SLC39A12: variants seen among roughly 807,000 people sequenced by gnomAD.
The protein encoded by SLC39A12 is solute carrier family 39 member 12.
A neutral mutation model predicts 71.1 loss-of-function variants in SLC39A12; 63 were observed. The observed-to-expected ratio is 0.89, with a 90% CI of 0.72 to 1.09. The LOEUF (loss-of-function observed/expected upper bound fraction) is 1.09. Ranked by LOEUF, SLC39A12 falls within the 50% of genes least tolerant of loss-of-function variation. The probability of loss-of-function intolerance (pLI) is 0.00; values close to 1 mark genes in which losing one functional copy is unlikely to be tolerated. For missense variants in SLC39A12, 892 were observed against 812.6 expected (o/e 1.10, Z -1.19); for synonymous variants, 351 against 301.3 (o/e 1.16, Z -1.71).
At chr10:17,968,940 A>G (rs1393002049) in intron 4 of SLC39A12, among the ~76,000 whole-genome samples, 2 of 152,124 alleles carry the variant, frequency 1.3e-5, no homozygotes, top group African/African-American at 4.8e-5. Context: ...CCCCTCCCTC[A>G]GTACATTTCC....
At position 18,041,772 on chromosome 10, in the gene SLC39A12, C is replaced by CATATGTGTCT. The variant is rs1564668459; in HGVS notation, c.1948-927_1948-926insGTCTATATGT. ...GTATATATGTGTATACATATGTATA[C>CATATGTGTCT]ATATGTATATACATATGTGTCTATA... is the stretch of plus-strand genomic sequence containing the variant. On this transcript the variant is annotated intron_variant, in intron 12 of 12. Transcript: ENST00000377369. Among the ~76,000 whole-genome samples, 16 of 134,324 alleles carry CATATGTGTCT rather than the reference C, an allele frequency of 1.2e-4. 1 individual carries two copies. The highest frequency in any genetic ancestry group is 2.3e-4 in the South Asian group (1 of 4,354). 88.1% of individuals were successfully genotyped at this position (134,324 alleles called of 152,430 possible).
intron 4 of SLC39A12, among the ~76,000 whole-genome samples, chr10:17,971,842 C>A (rs1834982980): frequency 6.6e-6 from 1 of 152,004 alleles, no homozygotes; most frequent in African/African-American, 2.4e-5. Context: ...TACTTCTGCT[C>A]TAATCTTTAT....
intron 3 of SLC39A12, among the ~76,000 whole-genome samples, chr10:17,963,531 C>T (rs1554848650): frequency 6.6e-6 from 1 of 152,204 alleles, no homozygotes; most frequent in African/African-American, 2.4e-5. Context: ...AGTTCAACAC[C>T]TGCTGAGTCA....
At position 18,036,504 on chromosome 10, in the gene SLC39A12, G is replaced by A. The variant is rs559658103; in HGVS notation, c.1948-6201G>A. 4.6e-5 allele frequency among the ~76,000 whole-genome samples: 7 copies of A among 151,946 alleles called. No individual in the cohort carries two copies. The South Asian group carries it at 1.2e-3, about 27-fold the overall frequency. On this transcript the variant is annotated intron_variant, in intron 12 of 12. Coordinates refer to ENST00000377369, the MANE Select transcript of SLC39A12 (RefSeq NM_001145195.2). ...ATGAGGCAATGCCTCGCCCTGCTTC[G>A]GCTCACGCACGGTGCGCGCACCCAC...
At chr10:17,968,385 A>T (rs540619482) in intron 4 of SLC39A12, among the ~76,000 whole-genome samples, 16 of 152,284 alleles carry the variant, frequency 1.1e-4, no homozygotes, top group Non-Finnish European at 2.2e-4. Flanking sequence ...ATATTTATAG[A>T]GTCTTTCATA....
intron 12 of SLC39A12, among the ~76,000 whole-genome samples, chr10:18,027,088 C>T (rs1020585068): frequency 1.3e-5 from 2 of 152,146 alleles, no homozygotes; most frequent in African/African-American, 4.8e-5. Context: ...GAAAGGTGAA[C>T]ATGTTGTACT....
At chr10:17,980,330 C>T (rs1000954892) in intron 5 of SLC39A12, among the ~76,000 whole-genome samples, 1 of 149,118 alleles carries the variant, frequency 6.7e-6, no homozygotes, top group African/African-American at 2.4e-5. Flanking sequence ...TAACAAAGTG[C>T]CTTCATTAAA....
chr10:18,010,266 A>G (rs138264043), intron 12 of SLC39A12, among the ~76,000 whole-genome samples: 5 of 152,288 alleles, frequency 3.3e-5, no homozygotes, highest in African/African-American at 9.6e-5. Flanking sequence ...GTTTGGCAAT[A>G]CCTAAGTGTA....
Position 18,010,231 on chromosome 10 carries a change from A to T in SLC39A12, c.1947+6873A>T, listed in dbSNP as rs1836171272. ...AATGAATCCTTTCTCCATCCAAAAG[A>T]TGAGTAAGTCTTCCTTTCTTTGAAG... On this transcript the variant is annotated intron_variant, in intron 12 of 12. Coordinates refer to ENST00000377369, the MANE Select transcript of SLC39A12 (RefSeq NM_001145195.2). 2.0e-5 allele frequency among the ~76,000 whole-genome samples: 3 copies of T among 152,206 alleles called. No individual in the cohort carries two copies. In the South Asian group the frequency reaches 6.2e-4, roughly 31 times the overall value.
chr10:18,005,051 A>C (rs1384118856), intron 12 of SLC39A12, among the ~76,000 whole-genome samples: 2 of 140,498 alleles, frequency 1.4e-5, no homozygotes, highest in Admixed American at 1.4e-4. Context: ...AGGGACGGGA[A>C]CAACACACAC....
Position 18,013,769 on chromosome 10 carries a change from A to G in SLC39A12, c.1947+10411A>G, listed in dbSNP as rs990346889. 6.6e-5 allele frequency among the ~76,000 whole-genome samples: 10 copies of G among 152,136 alleles called. 1 individual carries two copies. In the East Asian group the frequency reaches 9.6e-4, roughly 15 times the overall value. ...GTTTTGGCACCCTTGTTGAAAATCA[A>G]TTGATCACGTGTGCAAGACTTTGTT... On this transcript the variant is annotated intron_variant, in intron 12 of 12. Coordinates refer to ENST00000377369, the MANE Select transcript of SLC39A12 (RefSeq NM_001145195.2).
At chr10:17,961,454 G>A (rs782238434) in intron 2 of SLC39A12, 127 bp from the exon 3 acceptor site, 2 of 872,900 alleles carry the variant, frequency 2.3e-6, no homozygotes, top group African/African-American at 3.4e-5. Flanking sequence ...TCTGGCTATT[G>A]GTCCTGCCTG....
chr10:18,003,324 C>G lies in SLC39A12; in HGVS notation c.1913C>G (p.Ala638Gly), dbSNP rs759572232. The part of the protein sequence containing the change: ...CVQDWIFTVT[A>G]GMFLYLSLVE... ...CAAGACTGGATCTTCACAGTCACTG[C>G]TGGGATGTTCTTATATTTATCCTTG... The change falls in exon 12 of 13, where the codon GCT becomes GGT. Residue 638 changes from alanine to glycine, a missense_variant. Transcript: ENST00000377369. The G allele has an allele frequency of 6.2e-7, 1 of 1,612,768 alleles. No homozygotes were observed. The highest frequency in any genetic ancestry group is 8.5e-7 in the Non-Finnish European group (1 of 1,179,746).
chr10:17,960,112 A>C (rs1834649638), intron 2 of SLC39A12, among the ~76,000 whole-genome samples: 1 of 152,220 alleles, frequency 6.6e-6, no homozygotes, highest in South Asian at 2.1e-4. Context: ...GTGAATTTGG[A>C]CTAGAGATGG....
intron 11 of SLC39A12, among the ~76,000 whole-genome samples, chr10:18,001,104 T>A (rs1835820818): frequency 6.6e-6 from 1 of 152,176 alleles, no homozygotes; most frequent in South Asian, 2.1e-4. Flanking sequence ...TTCAGAGAAA[T>A]ATTTTAAAGA....
chr10:17,979,397 A>C (rs1835197990), intron 5 of SLC39A12, among the ~76,000 whole-genome samples: 1 of 152,184 alleles, frequency 6.6e-6, no homozygotes, highest in Non-Finnish European at 1.5e-5. Flanking sequence ...TCTTGACAAC[A>C]AACTGGAGAA....
intron 1 of SLC39A12, among the ~76,000 whole-genome samples, chr10:17,952,467 CT>C (rs1245377827): frequency 2.0e-5 from 3 of 146,846 alleles, no homozygotes; most frequent in African/African-American, 7.5e-5. Flanking sequence ...GTCTAAAACT[CT>C]TTTTTTTTCT....
chr10:17,973,276 C>T (rs1039131938), intron 4 of SLC39A12, among the ~76,000 whole-genome samples: 1 of 152,076 alleles, frequency 6.6e-6, no homozygotes, highest in Non-Finnish European at 1.5e-5. Flanking sequence ...GAGTAGTTTA[C>T]ACAACAGTTA....
intron 12 of SLC39A12, among the ~76,000 whole-genome samples, chr10:18,003,960 T>A (rs1835918224): frequency 6.6e-6 from 1 of 152,190 alleles, no homozygotes; most frequent in Admixed American, 6.5e-5. Context: ...GAAAGAAGAT[T>A]TTTATAGTAT....
Sources: allele counts gnomAD v4.1 joint callset (sites outside exome capture counted in the v4.1 genomes callset), GRCh38; gene constraint gnomAD v4.1.1; transcripts MANE v1.5; gene names NCBI Gene and HGNC (gene_info 2026-07-23, HGNC 2026-07-21).